The following NIBAN1 variants were observed in gnomAD, a reference collection of about 807,000 sequenced individuals.
NIBAN1 encodes the protein niban apoptosis regulator 1.
Under a neutral mutation model 75.1 loss-of-function variants are expected in NIBAN1, and 81 were observed. The observed-to-expected ratio is 1.08, with a 90% CI of 0.90 to 1.30. The LOEUF (loss-of-function observed/expected upper bound fraction) is 1.30, where lower values mean the gene tolerates loss of function less well. Among genes scored for constraint, NIBAN1 ranks in the 50% most tolerant of loss-of-function variants. The pLI is 0.00. For synonymous variants in NIBAN1, 436 were observed against 424.8 expected, an observed-to-expected ratio of 1.03 and a Z score of -0.32; for missense variants, 1,133 against 1,128.1, an observed-to-expected ratio of 1.00 and a Z score of -0.06.
intron 1 of NIBAN1, among the ~76,000 whole-genome samples, chr1:184,958,457 C>A (rs944988266): frequency 6.6e-6 from 1 of 151,716 alleles, no homozygotes; most frequent in Non-Finnish European, 1.5e-5. Flanking sequence ...GTAAATGTTT[C>A]CACTTAGCTC....
intron 4 of NIBAN1, among the ~76,000 whole-genome samples, chr1:184,886,948 C>A (rs1656541024): frequency 6.6e-6 from 1 of 152,084 alleles, no homozygotes; most frequent in Non-Finnish European, 1.5e-5. Context: ...TAGTGAAAAC[C>A]CATCTCTACT....
intron 1 of NIBAN1, among the ~76,000 whole-genome samples, chr1:184,912,953 AT>A (rs1657282999): frequency 6.6e-6 from 1 of 152,062 alleles, no homozygotes; most frequent in African/African-American, 2.4e-5. Context: ...TGAATCAGAA[AT>A]TCTGGAGGTA....
At chr1:184,865,952 T>C (rs748867618) in intron 5 of NIBAN1, among the ~76,000 whole-genome samples, 6 of 152,108 alleles carry the variant, frequency 3.9e-5, no homozygotes, top group Non-Finnish European at 8.8e-5. Context: ...ACAAGTAAAA[T>C]AGACCTTTCT....
At chr1:184,922,564 T>C (rs979539338) in intron 1 of NIBAN1, among the ~76,000 whole-genome samples, 12 of 152,120 alleles carry the variant, frequency 7.9e-5, no homozygotes, top group Admixed American at 2.0e-4. Flanking sequence ...GAAATATCTA[T>C]TCAGATCTTT....
chr1:184,920,571 A>T (rs1657502865), intron 1 of NIBAN1, among the ~76,000 whole-genome samples: 1 of 152,134 alleles, frequency 6.6e-6, no homozygotes, highest in South Asian at 2.1e-4. Context: ...ACTATTAGTA[A>T]CCACTACTCT....
At chr1:184,909,883 T>C (rs1399335926) in intron 1 of NIBAN1, among the ~76,000 whole-genome samples, 1 of 152,194 alleles carries the variant, frequency 6.6e-6, no homozygotes, top group Non-Finnish European at 1.5e-5. Context: ...CTGGATCAGT[T>C]AATCACTAAA....
chr1:184,888,211 G>T (rs887354021), intron 4 of NIBAN1: 1 of 152,094 alleles, frequency 6.6e-6, no homozygotes, highest in African/African-American at 2.4e-5. Context: ...AAAAAGAAAT[G>T]CACTTATTCA....
chr1:184,806,902 G>C (rs1404520822), intron 10 of NIBAN1, among the ~76,000 whole-genome samples: 2 of 151,678 alleles, frequency 1.3e-5, no homozygotes. Context: ...CAAGTAGCTG[G>C]GACTACAGGT....
At chr1:184,841,421 C>T (rs1021258003) in intron 5 of NIBAN1, among the ~76,000 whole-genome samples, 2 of 152,186 alleles carry the variant, frequency 1.3e-5, no homozygotes, top group Admixed American at 1.3e-4. Context: ...CTGAGGTATG[C>T]TCCTCTGAGC....
intron 5 of NIBAN1, among the ~76,000 whole-genome samples, chr1:184,836,232 T>C (rs569199942): frequency 1.3e-5 from 2 of 152,306 alleles, no homozygotes; most frequent in Non-Finnish European, 2.9e-5. Flanking sequence ...CTGTAATTAT[T>C]ACATTGGGAT....
chr1:184,832,164 T>C (rs1464710557), intron 5 of NIBAN1, among the ~76,000 whole-genome samples: 3 of 152,222 alleles, frequency 2.0e-5, no homozygotes, highest in Non-Finnish European at 4.4e-5. Flanking sequence ...TCGTCCTAGC[T>C]GATGAATTCT....
intron 6 of NIBAN1, among the ~76,000 whole-genome samples, chr1:184,829,020 G>A (rs536366481): frequency 2.6e-5 from 4 of 152,048 alleles, no homozygotes; most frequent in Admixed American, 1.3e-4. Flanking sequence ...GGCTAATCTC[G>A]AACTCCCGGA....
chr1:184,927,153 G>A (rs1301879027), intron 1 of NIBAN1, among the ~76,000 whole-genome samples: 1 of 151,990 alleles, frequency 6.6e-6, no homozygotes, highest in African/African-American at 2.4e-5. Flanking sequence ...CTCCAAGATT[G>A]GTCCCTGGTG....
chr1:184,832,000 C>T (rs777845013), intron 5 of NIBAN1, 38 bp from the exon 6 acceptor site: 1 of 1,467,672 alleles, frequency 6.8e-7, no homozygotes, highest in Non-Finnish European at 9.6e-7. Context: ...CAAGATAAAA[C>T]ACTCTAGATT....
At chr1:184,880,450 T>A (rs542377425) in intron 5 of NIBAN1, among the ~76,000 whole-genome samples, 3 of 152,220 alleles carry the variant, frequency 2.0e-5, no homozygotes, top group Admixed American at 2.0e-4. Context: ...AAGTTCCTAA[T>A]ATGCATCACA....
intron 9 of NIBAN1, among the ~76,000 whole-genome samples, chr1:184,813,508 T>C (rs1401120844): frequency 1.3e-5 from 2 of 152,178 alleles, no homozygotes; most frequent in African/African-American, 4.8e-5. Flanking sequence ...GGCCTGGGGA[T>C]ATATGGAATT....
At position 184,794,684 on chromosome 1, in the gene NIBAN1, T is replaced by C. The variant is rs1653787666; in HGVS notation, c.*293A>G. The C allele has an allele frequency of 2.0e-6, 1 of 493,078 alleles. No homozygotes were observed. Among genetic ancestry groups the C allele is most frequent in the Admixed American group, 3.3e-5 (1 of 30,336 alleles). 30.5% of individuals were successfully genotyped at this position (493,078 alleles called of 1,614,324 possible). A position where few individuals can be genotyped will look rare whatever the true frequency, so the allele number is the denominator to read the frequency against. On this transcript the variant is annotated 3_prime_UTR_variant, in exon 14 of 14. Transcript: ENST00000367511. ...TGTCATCCTACTGTTTTCTCAGTCT[T>C]CCCTGCAATACTATTCCCTCCTCAG...
At chr1:184,808,289 G>A in intron 9 of NIBAN1, 54 bp from the exon 10 acceptor site, 1 of 1,550,932 alleles carries the variant, frequency 6.4e-7, no homozygotes, top group Non-Finnish European at 8.8e-7. Flanking sequence ...GAGCGGTATT[G>A]CATATATATT....
At chr1:184,800,333 G>T (rs555013246) in intron 12 of NIBAN1, among the ~76,000 whole-genome samples, 1 of 149,746 alleles carries the variant, frequency 6.7e-6, no homozygotes, top group South Asian at 2.1e-4. Context: ...CACTCTGATG[G>T]TAGTTTCTTT....
Sources: allele counts gnomAD v4.1 joint callset (sites outside exome capture counted in the v4.1 genomes callset), GRCh38; gene constraint gnomAD v4.1.1; transcripts MANE v1.5; gene names NCBI Gene and HGNC (gene_info 2026-07-23, HGNC 2026-07-21).